IQGAP1: variants seen among roughly 807,000 people sequenced by gnomAD.
The protein encoded by IQGAP1 is ras GTPase-activating-like protein IQGAP1.
IQGAP1 carries 66 observed loss-of-function variants against 215.6 expected under a neutral mutation model. That is an observed-to-expected ratio of 0.31 (90% CI 0.25 to 0.38). The LOEUF (loss-of-function observed/expected upper bound fraction) is 0.38. IQGAP1 is among the 10% of genes least tolerant of loss of function. The pLI, the probability that IQGAP1 is intolerant of heterozygous loss-of-function variation, is 1.00. For missense variants in IQGAP1, 1,712 were observed against 1,997.1 expected (o/e 0.86, Z 2.72); for synonymous variants, 772 against 728.7 (o/e 1.06, Z -0.96).
chr15:90,435,668 G>T (rs1289403194), intron 5 of IQGAP1, among the ~76,000 whole-genome samples: 1 of 152,220 alleles, frequency 6.6e-6, no homozygotes, highest in African/African-American at 2.4e-5. Context: ...CTACTCTGCA[G>T]TGTAACCTGG....
chr15:90,451,298 G>C (rs1324041069), intron 11 of IQGAP1, among the ~76,000 whole-genome samples: 1 of 152,180 alleles, frequency 6.6e-6, no homozygotes, highest in African/African-American at 2.4e-5. Context: ...AGCTCTGCAG[G>C]CTGTGCAAGA....
chr15:90,475,117 G>C (rs1317490257), intron 23 of IQGAP1, among the ~76,000 whole-genome samples: 2 of 148,440 alleles, frequency 1.3e-5, no homozygotes, highest in Admixed American at 6.8e-5. Context: ...TCCTGCCTCA[G>C]CCTCCCAAGT....
intron 18 of IQGAP1, among the ~76,000 whole-genome samples, chr15:90,472,179 G>A (rs1965914964): frequency 6.6e-6 from 1 of 152,208 alleles, no homozygotes. Context: ...AGGAGGTGAG[G>A]TGGGAGGATT....
intron 22 of IQGAP1, 55 bp from the exon 23 acceptor site, chr15:90,474,430 T>C: frequency 7.6e-7 from 1 of 1,323,476 alleles, no homozygotes; most frequent in Non-Finnish European, 1.1e-6. Context: ...TGCTATTTCC[T>C]GAGACGTAGT....
intron 2 of IQGAP1, among the ~76,000 whole-genome samples, chr15:90,407,932 A>G (rs1008095734): frequency 6.6e-6 from 1 of 152,260 alleles, no homozygotes; most frequent in Non-Finnish European, 1.5e-5. Flanking sequence ...ACATCAGAGA[A>G]TGAGAGGTCT....
chr15:90,414,631 C>T (rs183946941), intron 2 of IQGAP1, among the ~76,000 whole-genome samples: 42 of 152,260 alleles, frequency 2.8e-4, no homozygotes, highest in African/African-American at 9.9e-4. Flanking sequence ...CTATCTTTGT[C>T]TCTTTCACCT....
intron 14 of IQGAP1, among the ~76,000 whole-genome samples, 173 bp downstream of exon 14, chr15:90,454,725 A>G (rs545230117): frequency 1.3e-5 from 2 of 152,372 alleles, no homozygotes; most frequent in South Asian, 2.1e-4. Flanking sequence ...GGCAATTGCT[A>G]TAATTAGGTA....
chr15:90,471,085 T>A (rs1965897580), intron 18 of IQGAP1, among the ~76,000 whole-genome samples: 1 of 152,146 alleles, frequency 6.6e-6, no homozygotes. Flanking sequence ...CACCAGGTTT[T>A]TGCCCTTCAT....
chr15:90,499,456 C>A (rs1966314281), intron 37 of IQGAP1, among the ~76,000 whole-genome samples: 1 of 152,156 alleles, frequency 6.6e-6, no homozygotes, highest in Non-Finnish European at 1.5e-5. Context: ...CTCTCTTTTC[C>A]CCTTGCCTTC....
intron 15 of IQGAP1, among the ~76,000 whole-genome samples, chr15:90,460,069 G>A (rs1596277419): frequency 6.6e-6 from 1 of 152,006 alleles, no homozygotes; most frequent in African/African-American, 2.4e-5. Flanking sequence ...GTAGGAAAGG[G>A]GTCCCGATGC....
At chr15:90,399,004 CAAA>C (rs771595366) in intron 2 of IQGAP1, among the ~76,000 whole-genome samples, 18,162 of 86,440 alleles carry the variant, frequency 0.21, 1,281 homozygotes, top group South Asian at 0.29. Context: ...GACATTGTCT[CAAA>C]AAAAAAAAAA....
At position 90,482,301 on chromosome 15, in the gene IQGAP1, C is replaced by G; in HGVS notation, c.3555+20C>G. 4 of 1,610,408 alleles carry G rather than the reference C, an allele frequency of 2.5e-6. No individual in the cohort carries two copies. Among genetic ancestry groups the G allele is most frequent in the Non-Finnish European group, 3.4e-6 (4 of 1,176,672 alleles). On this transcript the variant is annotated intron_variant, in intron 28 of 37. Coordinates refer to ENST00000268182, the MANE Select transcript of IQGAP1 (RefSeq NM_003870.4). ...CTGAAGGTAAGAATCTCATAGCCGG[C>G]AGACTCCTGCCCTTTGAGGACAAAG...
chr15:90,481,063 A>G (rs1397254520), intron 26 of IQGAP1, among the ~76,000 whole-genome samples: 6 of 152,186 alleles, frequency 3.9e-5, no homozygotes, highest in Non-Finnish European at 7.3e-5. Context: ...TGGAGGCCAG[A>G]AATTTGAAAC....
chr15:90,439,380 T>C lies in IQGAP1; in HGVS notation c.516T>C (p.Tyr172=). 6.2e-7 allele frequency: 1 copy of C among 1,612,870 alleles called. No individual in the cohort carries two copies. The highest frequency in any genetic ancestry group is 8.5e-7 in the Non-Finnish European group (1 of 1,179,182). Residue 172 remains tyrosine (Y), a synonymous_variant, in exon 6 of 38, where the codon TAT becomes TAC. Coordinates refer to ENST00000268182, the MANE Select transcript of IQGAP1 (RefSeq NM_003870.4). ...LGLAPQIQDL[Y]GKVDFTEEEI... is the part of the protein sequence containing the mutation. ...TGGCCCCTCAGATTCAAGACCTATA[T>C]GGAAAGGTTGACTTCACAGGTAAGG...
At chr15:90,452,646 C>A (rs916399177) in intron 11 of IQGAP1, 129 bp from the exon 12 acceptor site, 3 of 1,028,792 alleles carry the variant, frequency 2.9e-6, no homozygotes, top group Non-Finnish European at 4.2e-6. Flanking sequence ...TTTTTAAAGA[C>A]GAAAGTTCCA....
chr15:90,422,467 C>T (rs1965150562), intron 2 of IQGAP1, among the ~76,000 whole-genome samples: 1 of 151,656 alleles, frequency 6.6e-6, no homozygotes, highest in Admixed American at 6.6e-5. Flanking sequence ...TGGTTGAAAA[C>T]ATTTAGAAAT....
intron 14 of IQGAP1, among the ~76,000 whole-genome samples, chr15:90,455,566 C>T (rs955747962): frequency 1.3e-5 from 2 of 152,130 alleles, no homozygotes; most frequent in Non-Finnish European, 2.9e-5. Context: ...GTACGGCTGC[C>T]TAAGATACCT....
chr15:90,474,791 T>C, intron 23 of IQGAP1, 98 bp downstream of exon 23: 1 of 911,548 alleles, frequency 1.1e-6, no homozygotes, highest in Non-Finnish European at 1.8e-6. Flanking sequence ...GAGGCTGACT[T>C]TCTCCTCAGC....
Position 90,500,327 on chromosome 15 carries a change from C to T in IQGAP1, c.*219C>T, listed in dbSNP as rs994248723. ...GTGTTTCAGGCTTAGTCTGACCTTT[C>T]TGGTTTCTTCATTTTCTTCCATTAC... On this transcript the variant is annotated 3_prime_UTR_variant, in exon 38 of 38. Transcript: ENST00000268182. 9 of 458,626 alleles carry T rather than the reference C, an allele frequency of 2.0e-5. No homozygotes were observed. In the South Asian group the frequency reaches 2.8e-4, roughly 14 times the overall value. The allele number at this position is 458,626 out of a possible 1,614,324, so 28.4% of individuals were successfully genotyped here. A position where few individuals can be genotyped will look rare whatever the true frequency, so the allele number is the denominator to read the frequency against.
Sources: allele counts gnomAD v4.1 joint callset (sites outside exome capture counted in the v4.1 genomes callset), GRCh38; gene constraint gnomAD v4.1.1; transcripts MANE v1.5; gene names NCBI Gene and HGNC (gene_info 2026-07-23, HGNC 2026-07-21).